Variants in EFHD2 observed in about 807,000 individuals in gnomAD.
EFHD2 encodes the protein EF-hand domain-containing protein D2.
A neutral mutation model predicts 20.3 loss-of-function variants in EFHD2; 12 were observed. That is an observed-to-expected ratio of 0.59 (90% CI 0.38 to 0.96). EFHD2 has a LOEUF of 0.96. EFHD2 is among the 40% of genes least tolerant of loss of function. The pLI is 0.00. For missense variants in EFHD2, 250 were observed against 334.3 expected, an observed-to-expected ratio of 0.75 and a Z score of 1.97; for synonymous variants, 131 against 143.9, an observed-to-expected ratio of 0.91 and a Z score of 0.64.
intron 1 of EFHD2, among the ~76,000 whole-genome samples, chr1:15,417,986 T>C (rs1025262988): frequency 3.5e-5 from 3 of 85,258 alleles, no homozygotes; most frequent in African/African-American, 1.9e-4. Context: ...TTTTTCTTTT[T>C]TTTTTTTTTT....
Position 15,413,878 on chromosome 1 carries a change from C to T in EFHD2, c.308+3599C>T, listed in dbSNP as rs2103270661. Among the ~76,000 whole-genome samples the T allele has an allele frequency of 6.6e-6, 1 of 152,346 alleles. No homozygotes were observed. The highest frequency in any genetic ancestry group is 2.4e-5 in the African/African-American group (1 of 41,582). On this transcript the variant is annotated intron_variant, in intron 1 of 3. Coordinates refer to ENST00000375980, the MANE Select transcript of EFHD2 (RefSeq NM_024329.6). This position sits in a 1 kb window ranked among gnomAD's most constrained non-coding sequence, Gnocchi z 4.4. Reference sequence around the variant, plus strand: ...CTCCCTGGCCCTCGCAGCCAGGACTCTCCATCCCCGTCTCCGTGCGGCCTC... The same window carrying T: ...CTCCCTGGCCCTCGCAGCCAGGACTTTCCATCCCCGTCTCCGTGCGGCCTC...
chr1:15,427,534 T>C (rs1228566230), intron 3 of EFHD2, among the ~76,000 whole-genome samples: 1 of 152,182 alleles, frequency 6.6e-6, no homozygotes, highest in Non-Finnish European at 1.5e-5. Flanking sequence ...AGGGATTACC[T>C]TGAGGTGCCC....
chr1:15,427,523 C>G (rs1239408251), intron 3 of EFHD2, among the ~76,000 whole-genome samples: 1 of 152,166 alleles, frequency 6.6e-6, no homozygotes, highest in African/African-American at 2.4e-5. Context: ...GAAAAGGGGA[C>G]AGGGATTACC....
At chr1:15,414,769 CTGAT>C (rs1707626335) in intron 1 of EFHD2, among the ~76,000 whole-genome samples, 2 of 152,320 alleles carry the variant, frequency 1.3e-5, no homozygotes, top group East Asian at 1.9e-4. Flanking sequence ...AACAGCCACT[CTGAT>C]TGACAGCTAC....
chr1:15,426,271 A>G lies in EFHD2; in HGVS notation c.456+253A>G, dbSNP rs904279331. On this transcript the variant is annotated intron_variant, in intron 2 of 3. Coordinates refer to ENST00000375980, the MANE Select transcript of EFHD2 (RefSeq NM_024329.6). This position sits in a 1 kb window ranked among gnomAD's most constrained non-coding sequence, Gnocchi z 4.6. Reference sequence around the variant, plus strand: ...CCCTTCCTTCACATAGGGAGCATATATTGAGCGATTTCTGTATACTTGACC... The same window carrying G: ...CCCTTCCTTCACATAGGGAGCATATGTTGAGCGATTTCTGTATACTTGACC... Among the ~76,000 whole-genome samples the G allele has an allele frequency of 1.4e-4, 22 of 152,138 alleles. No homozygotes were observed. Among genetic ancestry groups the G allele is most frequent in the African/African-American group, 4.8e-4 (20 of 41,424 alleles).
At chr1:15,416,815 A>AT (rs897590640) in intron 1 of EFHD2, among the ~76,000 whole-genome samples, 69 of 147,684 alleles carry the variant, frequency 4.7e-4, no homozygotes, top group Non-Finnish European at 8.1e-4. Context: ...GTAATCTGCA[A>AT]TTTTTTTTTT....
At position 15,429,623 on chromosome 1, in the gene EFHD2, G is replaced by A. The variant is rs1168003563; in HGVS notation, c.*899G>A. ...GACGAGCGCTTCGCCTTGATTCTCC[G>A]AGAAGCCTCCGAGAAGTGCTTTAAG... On this transcript the variant is annotated 3_prime_UTR_variant, in exon 4 of 4. Transcript: ENST00000375980. 3 of 152,614 alleles carry A rather than the reference G, an allele frequency of 2.0e-5. No homozygotes were observed. Among genetic ancestry groups the A allele is most frequent in the Non-Finnish European group, 2.9e-5 (2 of 68,068 alleles). The allele number at this position is 152,614 out of a possible 1,614,324, so 9.5% of individuals were successfully genotyped here.
Position 15,428,590 on chromosome 1 carries a change from C to T in EFHD2, c.592-3C>T, listed in dbSNP as rs1443844331. On this transcript the variant is annotated splice_polypyrimidine_tract_variant and splice_region_variant and intron_variant, in intron 3 of 3. Transcript: ENST00000375980. ...TGACCCCCTCACCCCCATGCCCCCG[C>T]AGGTCCAGGCCATCAACGTGTCCAG... is the stretch of plus-strand genomic sequence containing the variant. 27 of 1,610,734 alleles carry T rather than the reference C, an allele frequency of 1.7e-5. No individual in the cohort carries two copies. Among genetic ancestry groups the T allele is most frequent in the Non-Finnish European group, 2.3e-5 (27 of 1,178,832 alleles).
At position 15,421,020 on chromosome 1, in the gene EFHD2, T is replaced by C. The variant is rs1707781247; in HGVS notation, c.309-4851T>C. 2.6e-5 allele frequency among the ~76,000 whole-genome samples: 4 copies of C among 152,310 alleles called. No homozygotes were observed. In the South Asian group the frequency reaches 8.3e-4, roughly 32 times the overall value. ...TTTTTAGTATCATAGTAGGCATGTA[T>C]GAAGTGCTTCCTGTGGACCAGGCTC... On this transcript the variant is annotated intron_variant, in intron 1 of 3. Transcript: ENST00000375980.
chr1:15,418,407 G>A (rs1171630706), intron 1 of EFHD2, among the ~76,000 whole-genome samples: 6 of 144,204 alleles, frequency 4.2e-5, no homozygotes, highest in African/African-American at 7.8e-5. Flanking sequence ...CTGGGTTCAC[G>A]CCATTCTCCT....
intron 1 of EFHD2, among the ~76,000 whole-genome samples, chr1:15,422,013 C>A (rs765330424): frequency 6.6e-6 from 1 of 151,904 alleles, no homozygotes; most frequent in Non-Finnish European, 1.5e-5. Context: ...CTCACAGTGG[C>A]CCATGAGAGA....
At chr1:15,416,953 G>T (rs1288060100) in intron 1 of EFHD2, among the ~76,000 whole-genome samples, 1 of 152,124 alleles carries the variant, frequency 6.6e-6, no homozygotes, top group East Asian at 1.9e-4. Flanking sequence ...GGGACTACAG[G>T]CACATGCCAC....
chr1:15,422,324 C>T (rs955376923), intron 1 of EFHD2, among the ~76,000 whole-genome samples: 26 of 151,626 alleles, frequency 1.7e-4, no homozygotes, highest in African/African-American at 6.0e-4. Context: ...ATCTCCTGAC[C>T]TCATGATCTG....
chr1:15,415,737 G>C, intron 1 of EFHD2, among the ~76,000 whole-genome samples: 1 of 152,036 alleles, frequency 6.6e-6, no homozygotes, highest in South Asian at 2.1e-4. Context: ...TGATCTGCCC[G>C]CCTCAGCCTC....
intron 3 of EFHD2, among the ~76,000 whole-genome samples, chr1:15,427,714 T>A (rs2103281224): frequency 6.6e-6 from 1 of 152,298 alleles, no homozygotes; most frequent in Non-Finnish European, 1.5e-5. Flanking sequence ...CACCCTCCCC[T>A]TTCAGCAGGT....
At chr1:15,410,707 T>G (rs1007008259) in intron 1 of EFHD2, among the ~76,000 whole-genome samples, 1 of 151,496 alleles carries the variant, frequency 6.6e-6, no homozygotes, top group Non-Finnish European at 1.5e-5. Flanking sequence ...CCAGCGGCCT[T>G]CCTTCCCCGA....
chr1:15,428,057 G>T (rs1707903643), intron 3 of EFHD2: 2 of 462,738 alleles, frequency 4.3e-6, no homozygotes, highest in Non-Finnish European at 9.0e-6. Context: ...CAGAGTTATT[G>T]GGTGCCAGGT....
In EFHD2 at chr1:15,413,265, A is replaced by G. The variant is rs558742161; in HGVS notation, c.308+2986A>G. Among the ~76,000 whole-genome samples the G allele has an allele frequency of 2.5e-3, 374 of 152,206 alleles. No homozygotes were observed. The highest frequency in any genetic ancestry group is 4.3e-3 in the Non-Finnish European group (295 of 67,980). On this transcript the variant is annotated intron_variant, in intron 1 of 3. Transcript: ENST00000375980. This position sits in a 1 kb window ranked among gnomAD's most constrained non-coding sequence, Gnocchi z 4.4. ...CAGTCACTAGAGCAGGAGGCAGGAG[A>G]CCATGAGGTCAGCAGGAGAATGGGA...
At chr1:15,410,880 T>TC (rs1186366388) in intron 1 of EFHD2, among the ~76,000 whole-genome samples, 1 of 151,966 alleles carries the variant, frequency 6.6e-6, no homozygotes, top group Admixed American at 6.5e-5. Context: ...TGGGCAGGGA[T>TC]CCCCCCAACT....
Sources: allele counts gnomAD v4.1 joint callset (sites outside exome capture counted in the v4.1 genomes callset), GRCh38; gene constraint gnomAD v4.1.1; non-coding constraint Gnocchi (gnomAD v3.1); transcripts MANE v1.5; gene names NCBI Gene and HGNC (gene_info 2026-07-23, HGNC 2026-07-21).